The following DYRK1A variants were observed in gnomAD, a reference collection of about 807,000 sequenced individuals.
The protein encoded by DYRK1A is dual specificity tyrosine-phosphorylation-regulated kinase 1A.
DYRK1A carries 9 observed loss-of-function variants against 79.7 expected under a neutral mutation model. The observed-to-expected ratio is 0.11, with a 90% CI of 0.07 to 0.20. The LOEUF is 0.20. DYRK1A is among the 10% of genes least tolerant of loss of function. The probability of loss-of-function intolerance (pLI) is 1.00; values close to 1 mark genes in which losing one functional copy is unlikely to be tolerated. For synonymous variants in DYRK1A, 349 were observed against 329.7 expected (o/e 1.06, Z -0.63); for missense variants, 622 against 956.0 (o/e 0.65, Z 4.61).
chr21:37,480,757 A>G lies in DYRK1A; in HGVS notation c.420A>G (p.Val140=). ...GYDDDNYDYI[V]KNGEKWMDRY... ...ATGATGATAACTATGATTATATTGT[A>G]AAAAACGGAGAAAAGTGGATGGATC... The change falls in exon 5 of 12, where the codon GTA becomes GTG. Residue 140 remains valine, a synonymous_variant. Transcript: ENST00000647188. 1 of 1,612,812 alleles carries G rather than the reference A, an allele frequency of 6.2e-7. No homozygotes were observed. Among genetic ancestry groups the G allele is most frequent in the Non-Finnish European group, 8.5e-7 (1 of 1,179,454 alleles).
At position 37,478,181 on chromosome 21, in the gene DYRK1A, G is replaced by A. The variant is rs2052469601; in HGVS notation, c.208-27G>A. The A allele has an allele frequency of 1.2e-6, 2 of 1,613,626 alleles. No homozygotes were observed. Among genetic ancestry groups the A allele is most frequent in the African/African-American group, 1.3e-5 (1 of 74,902 alleles). On this transcript the variant is annotated intron_variant, in intron 3 of 11. Coordinates refer to ENST00000647188, the MANE Select transcript of DYRK1A (RefSeq NM_001347721.2). ...TGCTAGTCTTTTCTGTCTATTTAAGGTGATGCCTGATATTGTCATGTTACA... is the reference window on the plus strand; with the variant it reads ...TGCTAGTCTTTTCTGTCTATTTAAGATGATGCCTGATATTGTCATGTTACA...
intron 1 of DYRK1A, among the ~76,000 whole-genome samples, chr21:37,393,588 T>C (rs2049909600): frequency 6.6e-6 from 1 of 152,238 alleles, no homozygotes; most frequent in Non-Finnish European, 1.5e-5. Flanking sequence ...GTAGAATGTT[T>C]ATTTTGAAAC....
intron 2 of DYRK1A, among the ~76,000 whole-genome samples, chr21:37,444,315 A>G (rs2051197220): frequency 6.6e-6 from 1 of 152,260 alleles, no homozygotes; most frequent in South Asian, 2.1e-4. Context: ...ATGTCTGAAC[A>G]GACAAGTTGC....
chr21:37,376,252 G>A (rs1266845607), intron 1 of DYRK1A, among the ~76,000 whole-genome samples: 1 of 152,186 alleles, frequency 6.6e-6, no homozygotes, highest in African/African-American at 2.4e-5. Context: ...GCTCATGCCT[G>A]TAATCGCAGC....
At chr21:37,391,864 A>G (rs552043171) in intron 1 of DYRK1A, among the ~76,000 whole-genome samples, 6 of 152,304 alleles carry the variant, frequency 3.9e-5, no homozygotes, top group Non-Finnish European at 7.3e-5. Flanking sequence ...AACGTTTTCT[A>G]TATGGCACAG....
At chr21:37,463,460 A>T (rs1463237241) in intron 2 of DYRK1A, among the ~76,000 whole-genome samples, 1 of 152,198 alleles carries the variant, frequency 6.6e-6, no homozygotes, top group Non-Finnish European at 1.5e-5. Flanking sequence ...ACTGAGCAAT[A>T]GCTGTAGCCT....
At chr21:37,483,090 G>A (rs1569366877) in intron 5 of DYRK1A, among the ~76,000 whole-genome samples, 1 of 152,166 alleles carries the variant, frequency 6.6e-6, no homozygotes, top group Non-Finnish European at 1.5e-5. Context: ...AAAATGAAGG[G>A]ATTAAGAGAT....
In DYRK1A at chr21:37,518,605, A is replaced by T. The variant is rs949683783; in HGVS notation, c.*6074A>T. On this transcript the variant is annotated 3_prime_UTR_variant, in exon 12 of 12. Coordinates refer to ENST00000647188, the MANE Select transcript of DYRK1A (RefSeq NM_001347721.2). The stretch of plus-strand genomic sequence containing the variant: ...GTGTGGCTAATATGACGGAAGTCTG[A>T]ATCCAAGGACTTTTTTTTTTTTTTT... The T allele has an allele frequency of 3.3e-5, 5 of 149,968 alleles. No individual in the cohort carries two copies. The highest frequency in any genetic ancestry group is 5.9e-5 in the Non-Finnish European group (4 of 67,854). 9.3% of individuals were successfully genotyped at this position (149,968 alleles called of 1,614,324 possible). A position where few individuals can be genotyped will look rare whatever the true frequency, so the allele number is the denominator to read the frequency against.
rs891540782 is a variant in DYRK1A at position 37,478,101 on chromosome 21, A to G, written c.208-107A>G. On this transcript the variant is annotated intron_variant, in intron 3 of 11. Transcript: ENST00000647188. ...ATCATCTAATGTGTAGCTGTCTTTA[A>G]AAAAGTAGATACATGCAGGTTACAG... The G allele has an allele frequency of 8.8e-6, 13 of 1,480,308 alleles. No homozygotes were observed. In the African/African-American group the frequency reaches 1.8e-4, roughly 21 times the overall value. The allele number at this position is 1,480,308 out of a possible 1,614,324, so 91.7% of individuals were successfully genotyped here.
At chr21:37,463,625 G>T (rs2051926289) in intron 2 of DYRK1A, among the ~76,000 whole-genome samples, 1 of 151,948 alleles carries the variant, frequency 6.6e-6, no homozygotes, top group Non-Finnish European at 1.5e-5. Flanking sequence ...TTCCTTTATT[G>T]CACAGATATT....
At chr21:37,406,813 CTATT>C (rs926316994) in intron 1 of DYRK1A, among the ~76,000 whole-genome samples, 29 of 145,194 alleles carry the variant, frequency 2.0e-4, no homozygotes, top group African/African-American at 4.6e-4. Flanking sequence ...TTATATATAT[CTATT>C]TATATATGTA....
intron 9 of DYRK1A, chr21:37,501,446 GCAT>G (rs1224867837): frequency 6.6e-6 from 1 of 152,066 alleles, no homozygotes; most frequent in Admixed American, 6.5e-5. Context: ...GGGGTTACAG[GCAT>G]GAGCCACCAC....
intron 2 of DYRK1A, among the ~76,000 whole-genome samples, chr21:37,453,522 GATAACAGAA>G (rs1181548129): frequency 1.3e-5 from 2 of 152,206 alleles, no homozygotes; most frequent in Non-Finnish European, 1.5e-5. Context: ...GAGAGGCGGA[GATAACAGAA>G]GTCAGCACGT....
intron 9 of DYRK1A, among the ~76,000 whole-genome samples, chr21:37,499,410 CCTTT>C (rs926235298): frequency 3.3e-5 from 5 of 152,054 alleles, no homozygotes. Context: ...TATTCTAGGT[CCTTT>C]CTTTTCACAT....
At chr21:37,478,381 T>G in intron 4 of DYRK1A, 81 bp downstream of exon 4, 1 of 1,242,920 alleles carries the variant, frequency 8.0e-7, no homozygotes, top group Non-Finnish European at 1.1e-6. Flanking sequence ...ACCCTAAACT[T>G]TTTTTTCATT....
rs569643811 is a variant in DYRK1A at position 37,498,221 on chromosome 21, G to A, written c.1212+1963G>A. Among the ~76,000 whole-genome samples the A allele has an allele frequency of 6.6e-5, 10 of 152,196 alleles. No individual in the cohort carries two copies. The South Asian group carries it at 2.1e-3, about 32-fold the overall frequency. On this transcript the variant is annotated intron_variant, in intron 9 of 11. Coordinates refer to ENST00000647188, the MANE Select transcript of DYRK1A (RefSeq NM_001347721.2). ...GTGCAGAATGAAGAAGACAATAAAT[G>A]ATGCTTTTTTTGAAGTACAGTTTAT...
rs117834986 is a variant in DYRK1A at position 37,494,825 on chromosome 21, G to A, written c.1072-1293G>A. 1.8e-4 allele frequency among the ~76,000 whole-genome samples: 28 copies of A among 151,894 alleles called. No homozygotes were observed. In the East Asian group the frequency reaches 5.4e-3, roughly 30 times the overall value. On this transcript the variant is annotated intron_variant, in intron 8 of 11. Coordinates refer to ENST00000647188, the MANE Select transcript of DYRK1A (RefSeq NM_001347721.2). The stretch of plus-strand genomic sequence containing the variant: ...TAGCCTAGTGTGGTGTTGCGTGCCT[G>A]TAATCCCAGTTACTTGGGAGGCTGA...
At chr21:37,417,719 T>A (rs1212270489) in intron 1 of DYRK1A, among the ~76,000 whole-genome samples, 1 of 151,700 alleles carries the variant, frequency 6.6e-6, no homozygotes, top group Non-Finnish European at 1.5e-5. Flanking sequence ...CGCTGTAGAT[T>A]AATTTTATGC....
At chr21:37,414,787 A>G (rs947162674) in intron 1 of DYRK1A, among the ~76,000 whole-genome samples, 3 of 152,184 alleles carry the variant, frequency 2.0e-5, no homozygotes, top group Non-Finnish European at 4.4e-5. Context: ...ATTTTTGAGA[A>G]TATCTATTCA....
Sources: allele counts gnomAD v4.1 joint callset (sites outside exome capture counted in the v4.1 genomes callset), GRCh38; gene constraint gnomAD v4.1.1; transcripts MANE v1.5; gene names NCBI Gene and HGNC (gene_info 2026-07-23, HGNC 2026-07-21).